Variants in STK40 observed in about 807,000 individuals in gnomAD.
The protein encoded by STK40 is serine/threonine-protein kinase 40.
A neutral mutation model predicts 47.9 loss-of-function variants in STK40; 13 were observed. The observed-to-expected ratio is 0.27, with a 90% CI of 0.18 to 0.43. The LOEUF is 0.43. STK40 is among the 20% of genes least tolerant of loss of function. The pLI is 1.00. For missense variants in STK40, 460 were observed against 595.1 expected, an observed-to-expected ratio of 0.77 and a Z score of 2.36; for synonymous variants, 225 against 243.2, an observed-to-expected ratio of 0.93 and a Z score of 0.69.
At chr1:36,385,225 C>G (rs940364712) in intron 1 of STK40, among the ~76,000 whole-genome samples, 6 of 152,236 alleles carry the variant, frequency 3.9e-5, no homozygotes, top group Non-Finnish European at 8.8e-5. Context: ...GTAGCTGTGA[C>G]TCGTACCTGA....
rs759417546 is a variant in STK40 at position 36,344,258 on chromosome 1, G to A, written c.746C>T (p.Pro249Leu). 17 of 1,602,744 alleles carry A rather than the reference G, an allele frequency of 1.1e-5. No individual in the cohort carries two copies. The highest frequency in any genetic ancestry group is 2.2e-5 in the South Asian group (2 of 89,456). ...YISPDVLSGR[P>L]YRGKPSDMWA... is the part of the protein sequence containing the mutation. ...CATGTCACTGGGCTTGCCACGGTAC[G>A]GCCGGCCTACGGGCACACACATACC... Residue 249 changes from proline (P) to leucine (L), a missense_variant, in exon 8 of 11, where the codon CCG becomes CTG. By Grantham distance (98) the Pro-to-Leu change is moderately conservative (BLOSUM62 -3). Around this residue, in one of 3 missense-constraint regions of STK40, gnomAD observed 277 missense variants for 358.7 expected, o/e 0.77. Transcript: ENST00000373132.
At chr1:36,347,118 C>T (rs531041611) in intron 7 of STK40, among the ~76,000 whole-genome samples, 1 of 151,970 alleles carries the variant, frequency 6.6e-6, no homozygotes, top group East Asian at 1.9e-4. Context: ...GGCTCTCCAG[C>T]AGAAGCGGCA....
chr1:36,375,446 G>A (rs1215361346), intron 1 of STK40, among the ~76,000 whole-genome samples: 3 of 151,746 alleles, frequency 2.0e-5, no homozygotes, highest in African/African-American at 7.3e-5. Flanking sequence ...GGTGGAGGCT[G>A]CAGTGAGCCG....
chr1:36,354,044 C>G (rs557631624), intron 6 of STK40, among the ~76,000 whole-genome samples: 1 of 152,120 alleles, frequency 6.6e-6, no homozygotes, highest in Non-Finnish European at 1.5e-5. Flanking sequence ...GGATTACAGG[C>G]GGGAGCCACC....
intron 6 of STK40, 52 bp downstream of exon 6, chr1:36,354,312 A>G: frequency 1.9e-6 from 3 of 1,600,988 alleles, no homozygotes; most frequent in Non-Finnish European, 1.7e-6. Flanking sequence ...TGCAATGTGT[A>G]GCCTGCCCCA....
At chr1:36,359,719 T>A (rs1255792099) in intron 2 of STK40, among the ~76,000 whole-genome samples, 1 of 152,246 alleles carries the variant, frequency 6.6e-6, no homozygotes, top group Non-Finnish European at 1.5e-5. Context: ...ACAGACCCAC[T>A]GCTCTTAACA....
chr1:36,359,711 A>C (rs1265310306), intron 2 of STK40, among the ~76,000 whole-genome samples: 1 of 152,206 alleles, frequency 6.6e-6, no homozygotes, highest in African/African-American at 2.4e-5. Flanking sequence ...CAATGTTCAC[A>C]GACCCACTGC....
chr1:36,342,677 TA>T (rs1646660045), intron 10 of STK40: 1 of 161,412 alleles, frequency 6.2e-6, no homozygotes, highest in African/African-American at 2.4e-5. Flanking sequence ...GCCAAACAGC[TA>T]AAGGGTGGAA....
chr1:36,383,384 A>G (rs866280519), intron 1 of STK40, among the ~76,000 whole-genome samples: 31 of 152,182 alleles, frequency 2.0e-4, no homozygotes, highest in African/African-American at 6.8e-4. Context: ...GCAACCTACA[A>G]TCCCAGGAAG....
intron 6 of STK40, among the ~76,000 whole-genome samples, chr1:36,350,192 G>A (rs1319591321): frequency 6.6e-6 from 1 of 152,214 alleles, no homozygotes; most frequent in Non-Finnish European, 1.5e-5. Flanking sequence ...CTGGTGGCCC[G>A]CAGGCGGCTA....
At chr1:36,363,625 T>C (rs1252243651) in intron 1 of STK40, among the ~76,000 whole-genome samples, 1 of 146,236 alleles carries the variant, frequency 6.8e-6, no homozygotes, top group East Asian at 2.0e-4. Flanking sequence ...GCTAACACTG[T>C]GAAACCCCGT....
chr1:36,348,450 T>G (rs1226066726), intron 7 of STK40, among the ~76,000 whole-genome samples: 1 of 152,190 alleles, frequency 6.6e-6, no homozygotes, highest in Non-Finnish European at 1.5e-5. Flanking sequence ...GCACCCTTCA[T>G]CCACTCTCAC....
chr1:36,350,548 C>T (rs1488779077), intron 6 of STK40, among the ~76,000 whole-genome samples: 1 of 152,176 alleles, frequency 6.6e-6, no homozygotes, highest in South Asian at 2.1e-4. Flanking sequence ...CTCATGCGTA[C>T]AACAGTGAAA....
chr1:36,379,319 A>G (rs947597322), intron 1 of STK40, among the ~76,000 whole-genome samples: 1 of 152,002 alleles, frequency 6.6e-6, no homozygotes, highest in African/African-American at 2.4e-5. Context: ...GTAGACTGCT[A>G]AGTTCTGGGG....
intron 1 of STK40, among the ~76,000 whole-genome samples, chr1:36,364,017 G>A (rs1646879012): frequency 6.6e-6 from 1 of 151,112 alleles, no homozygotes; most frequent in Non-Finnish European, 1.5e-5. Context: ...CGGGTGTGGT[G>A]GTGGGCACCT....
At chr1:36,363,529 G>A (rs930797739) in intron 1 of STK40, among the ~76,000 whole-genome samples, 7 of 151,954 alleles carry the variant, frequency 4.6e-5, no homozygotes, top group Admixed American at 2.0e-4. Context: ...AGAATTAGCC[G>A]GGCGCAGTGG....
chr1:36,353,126 T>A (rs1464645475), intron 6 of STK40, among the ~76,000 whole-genome samples: 1 of 152,180 alleles, frequency 6.6e-6, no homozygotes, highest in African/African-American at 2.4e-5. Flanking sequence ...GCTGGCCACA[T>A]CATGGAATGA....
chr1:36,380,623 T>C (rs561643763), intron 1 of STK40, among the ~76,000 whole-genome samples: 26 of 152,328 alleles, frequency 1.7e-4, no homozygotes, highest in Admixed American at 3.9e-4. Flanking sequence ...CAGGACCCCA[T>C]CAGTGGGCTG....
At chr1:36,382,141 G>A (rs888223070) in intron 1 of STK40, among the ~76,000 whole-genome samples, 4 of 151,964 alleles carry the variant, frequency 2.6e-5, no homozygotes, top group Non-Finnish European at 5.9e-5. Context: ...TGCTAGCAGG[G>A]ACACACAGAG....
Sources: gnomAD v4.1 joint callset for allele counts (sites outside exome capture counted in the v4.1 genomes callset) on GRCh38, gnomAD v4.1.1 for gene constraint, gnomAD v4.1.1 regional missense constraint, MANE v1.5 for transcripts, NCBI Gene and HGNC (gene_info 2026-07-23, HGNC 2026-07-21) for gene names.